The following OSBPL10 variants were observed in gnomAD, a reference collection of about 807,000 sequenced individuals.
OSBPL10 encodes oxysterol binding protein like 10.
Under a neutral mutation model 81.7 loss-of-function variants are expected in OSBPL10, and 49 were observed. The observed-to-expected ratio is 0.60, with a 90% confidence interval of 0.48 to 0.76. The LOEUF is 0.76. Ranked by LOEUF, OSBPL10 falls within the 30% of genes least tolerant of loss-of-function variation. The pLI is 0.00. For synonymous variants in OSBPL10, 419 were observed against 383.6 expected (o/e 1.09, Z -1.08); for missense variants, 923 against 987.8 (o/e 0.93, Z 0.88).
Position 31,751,069 on chromosome 3 carries a change from G to A in OSBPL10, c.730-2949C>T, listed in dbSNP as rs112821350. Among the ~76,000 whole-genome samples, 675 of 152,236 alleles carry A rather than the reference G, an allele frequency of 4.4e-3. 5 individuals are homozygous for A. The highest frequency in any genetic ancestry group is 0.015 in the African/African-American group (633 of 41,540). ...GCCTGTAATCCCAGCACTTTGGGAG[G>A]CCAAGGAGGGCAGATCACTTGAGGC... On this transcript the variant is annotated intron_variant, in intron 4 of 11. Coordinates refer to ENST00000396556, the MANE Select transcript of OSBPL10 (RefSeq NM_017784.5).
chr3:31,920,562 T>C (rs1173896776), intron 1 of OSBPL10, among the ~76,000 whole-genome samples: 2 of 152,174 alleles, frequency 1.3e-5, no homozygotes, highest in East Asian at 1.9e-4. Flanking sequence ...CTGCTACACA[T>C]GTGTACTGGA....
At chr3:31,814,380 G>A (rs772734371) in intron 4 of OSBPL10, among the ~76,000 whole-genome samples, 7 of 152,170 alleles carry the variant, frequency 4.6e-5, no homozygotes, top group Admixed American at 1.3e-4. Context: ...CAAGTCCACC[G>A]GAACCTGAGG....
At chr3:31,758,515 T>A (rs1697949672) in intron 4 of OSBPL10, among the ~76,000 whole-genome samples, 1 of 152,114 alleles carries the variant, frequency 6.6e-6, no homozygotes, top group South Asian at 2.1e-4. Flanking sequence ...TCCACCCCCA[T>A]TTCAATCAAG....
chr3:32,023,072 T>C (rs1239581681), intron 2 of OSBPL10, among the ~76,000 whole-genome samples: 1 of 152,164 alleles, frequency 6.6e-6, no homozygotes, highest in African/African-American at 2.4e-5. Context: ...GACTTTAGCT[T>C]CTGTGGCTCC....
chr3:32,042,567 A>G (rs754390843), intron 2 of OSBPL10, among the ~76,000 whole-genome samples: 1 of 152,128 alleles, frequency 6.6e-6, no homozygotes, highest in Non-Finnish European at 1.5e-5. Context: ...CCTGCCCCCA[A>G]TATTTCAATG....
intron 6 of OSBPL10, among the ~76,000 whole-genome samples, chr3:31,714,410 C>A (rs1005196633): frequency 1.3e-5 from 2 of 152,078 alleles, no homozygotes; most frequent in African/African-American, 4.8e-5. Context: ...AGGCAAGGAG[C>A]TGGCAGCAGG....
At chr3:31,920,136 G>A (rs1172026068) in intron 1 of OSBPL10, among the ~76,000 whole-genome samples, 2 of 152,214 alleles carry the variant, frequency 1.3e-5, no homozygotes, top group Non-Finnish European at 2.9e-5. Context: ...AAGATCAGGG[G>A]TTGCTAGTGG....
chr3:31,716,995 AG>A (rs1306450212), intron 6 of OSBPL10: 1 of 152,236 alleles, frequency 6.6e-6, no homozygotes, highest in Non-Finnish European at 1.5e-5. Context: ...GGAAATAATC[AG>A]GAGCATCACA....
intron 3 of OSBPL10, among the ~76,000 whole-genome samples, chr3:31,831,981 G>A (rs774273918): frequency 5.3e-5 from 8 of 152,194 alleles, no homozygotes; most frequent in East Asian, 1.9e-4. Flanking sequence ...CCAAATGTCC[G>A]TCAGCATGGG....
intron 4 of OSBPL10, among the ~76,000 whole-genome samples, chr3:31,759,262 T>C (rs1454455067): frequency 6.6e-6 from 1 of 152,104 alleles, no homozygotes; most frequent in Non-Finnish European, 1.5e-5. Flanking sequence ...CTATAATTTA[T>C]CTATACTCTC....
chr3:31,805,810 A>G (rs1699507896), intron 4 of OSBPL10, among the ~76,000 whole-genome samples: 1 of 152,036 alleles, frequency 6.6e-6, no homozygotes, highest in Non-Finnish European at 1.5e-5. Context: ...TAACCCAACA[A>G]GAAGGGAAGA....
At chr3:31,764,461 C>T (rs1698141859) in intron 4 of OSBPL10, among the ~76,000 whole-genome samples, 1 of 151,404 alleles carries the variant, frequency 6.6e-6, no homozygotes, top group South Asian at 2.1e-4. Flanking sequence ...AAAGGAAGGG[C>T]GATTAAAGGG....
chr3:31,712,774 C>T (rs1159989405), intron 6 of OSBPL10, among the ~76,000 whole-genome samples: 1 of 152,234 alleles, frequency 6.6e-6, no homozygotes, highest in Non-Finnish European at 1.5e-5. Context: ...GAAAACACAT[C>T]ACCTAATGGC....
chr3:31,748,397 G>T (rs1001651029), intron 4 of OSBPL10, among the ~76,000 whole-genome samples: 2 of 152,156 alleles, frequency 1.3e-5, no homozygotes, highest in Admixed American at 1.3e-4. Flanking sequence ...TCTTCTGGAG[G>T]TAAGTCAATA....
intron 5 of OSBPL10, among the ~76,000 whole-genome samples, chr3:31,746,115 T>C (rs1697511808): frequency 6.6e-6 from 1 of 152,234 alleles, no homozygotes; most frequent in African/African-American, 2.4e-5. Flanking sequence ...CAAATATCTT[T>C]ATATCTGCTC....
At chr3:31,768,867 TGGGTAG>T (rs1396439076) in intron 4 of OSBPL10, among the ~76,000 whole-genome samples, 1 of 152,230 alleles carries the variant, frequency 6.6e-6, no homozygotes, top group Admixed American at 6.5e-5. Context: ...GCATTCACAT[TGGGTAG>T]GTATTACCCC....
intron 2 of OSBPL10, among the ~76,000 whole-genome samples, chr3:32,014,663 T>C (rs1300474314): frequency 6.6e-6 from 1 of 152,216 alleles, no homozygotes; most frequent in South Asian, 2.1e-4. Flanking sequence ...ATTGTCCCTG[T>C]TTGCAGATGA....
At chr3:31,973,613 C>T (rs1341733371) in intron 1 of OSBPL10, among the ~76,000 whole-genome samples, 5 of 152,204 alleles carry the variant, frequency 3.3e-5, no homozygotes, top group African/African-American at 1.2e-4. Flanking sequence ...CACAGCTTCT[C>T]CCTAGACTGC....
chr3:31,902,391 T>G (rs1696273205), intron 1 of OSBPL10, among the ~76,000 whole-genome samples: 1 of 150,934 alleles, frequency 6.6e-6, no homozygotes, highest in Non-Finnish European at 1.5e-5. Flanking sequence ...GCCTTCCGAA[T>G]AGCTGGGATT....
Sources: allele counts gnomAD v4.1 joint callset (sites outside exome capture counted in the v4.1 genomes callset), GRCh38; gene constraint gnomAD v4.1.1; transcripts MANE v1.5; gene names NCBI Gene and HGNC (gene_info 2026-07-23, HGNC 2026-07-21).